Variants in NRXN1 observed in about 807,000 individuals in gnomAD.
NRXN1 encodes neurexin-1.
A neutral mutation model predicts 150.9 loss-of-function variants in NRXN1; 39 were observed. The ratio of observed to expected loss-of-function variants is 0.26; its 90% CI spans 0.20 to 0.34. The LOEUF (loss-of-function observed/expected upper bound fraction) is 0.34, where lower values mean the gene tolerates loss of function less well. Ranked by LOEUF, NRXN1 falls within the 10% of genes least tolerant of loss-of-function variation. The probability of loss-of-function intolerance (pLI) is 1.00; values close to 1 mark genes in which losing one functional copy is unlikely to be tolerated. For synonymous variants in NRXN1, 924 were observed against 757.0 expected, an observed-to-expected ratio of 1.22 and a Z score of -3.62; for missense variants, 1,815 against 1,949.9, an observed-to-expected ratio of 0.93 and a Z score of 1.30.
intron 17 of NRXN1, among the ~76,000 whole-genome samples, chr2:50,272,093 C>A (rs1308241036): frequency 6.6e-6 from 1 of 152,122 alleles, no homozygotes; most frequent in Non-Finnish European, 1.5e-5. Context: ...GCAGGAGGGT[C>A]CCTGACCTTG....
intron 17 of NRXN1, among the ~76,000 whole-genome samples, chr2:50,403,996 A>T (rs1030483356): frequency 1.3e-5 from 2 of 152,120 alleles, no homozygotes; most frequent in African/African-American, 2.4e-5. Context: ...GTTTCTCTAT[A>T]GATACAATTT....
In NRXN1 at chr2:50,320,861, A is replaced by G. The variant is rs550039397; in HGVS notation, c.3365-83891T>C. 3.3e-5 allele frequency among the ~76,000 whole-genome samples: 5 copies of G among 152,274 alleles called. No individual in the cohort carries two copies. In the South Asian group the frequency reaches 1.0e-3, roughly 32 times the overall value. ...ACTATTGGAATGTGCATTGAATGCC[A>G]TCTGATTCAACAGCAATGGTTTGTA... On this transcript the variant is annotated intron_variant, in intron 17 of 22. Coordinates refer to ENST00000401669, the MANE Select transcript of NRXN1 (RefSeq NM_001330078.2).
At chr2:50,367,100 C>T (rs989993798) in intron 17 of NRXN1, among the ~76,000 whole-genome samples, 2 of 151,870 alleles carry the variant, frequency 1.3e-5, no homozygotes, top group Admixed American at 6.6e-5. Context: ...TGGGTTTCTC[C>T]AGATGCATTT....
chr2:50,247,799 T>C (rs7576851), intron 17 of NRXN1, among the ~76,000 whole-genome samples: 20,986 of 152,012 alleles, frequency 0.14, 1,659 homozygotes, highest in African/African-American at 0.2. Flanking sequence ...CTGGCAAGGT[T>C]TGATTAAGGT....
intron 2 of NRXN1, among the ~76,000 whole-genome samples, chr2:50,986,004 G>A (rs538806449): frequency 1.3e-5 from 2 of 151,658 alleles, no homozygotes; most frequent in East Asian, 1.9e-4. Context: ...GAACAAAAGT[G>A]ACCAATAAAT....
At chr2:50,501,654 A>C (rs79513783) in intron 13 of NRXN1, among the ~76,000 whole-genome samples, 11 of 152,102 alleles carry the variant, frequency 7.2e-5, no homozygotes, top group South Asian at 2.1e-4. Context: ...AAAAAAAAAA[A>C]ACACAATTCT....
At chr2:50,322,053 C>T (rs962336872) in intron 17 of NRXN1, among the ~76,000 whole-genome samples, 2 of 122,170 alleles carry the variant, frequency 1.6e-5, no homozygotes, top group South Asian at 2.7e-4. Flanking sequence ...AAAAAAAAAA[C>T]AGTCTGTCAT....
chr2:50,556,791 T>G (rs1241760656), intron 8 of NRXN1, among the ~76,000 whole-genome samples: 3 of 152,160 alleles, frequency 2.0e-5, no homozygotes. Flanking sequence ...AGTCTGCATA[T>G]TAACTTGGTT....
At chr2:49,961,936 A>T (rs1676031211) in intron 21 of NRXN1, among the ~76,000 whole-genome samples, 1 of 152,176 alleles carries the variant, frequency 6.6e-6, no homozygotes, top group African/African-American at 2.4e-5. Flanking sequence ...TAAGGGAAAA[A>T]TAATTCTTGA....
intron 5 of NRXN1, among the ~76,000 whole-genome samples, chr2:50,637,359 T>C (rs1277951392): frequency 1.3e-5 from 2 of 152,154 alleles, no homozygotes; most frequent in South Asian, 2.1e-4. Flanking sequence ...TTCTCAAGTA[T>C]CTGAAGGGTA....
chr2:50,232,987 T>C (rs1481420473), intron 18 of NRXN1, among the ~76,000 whole-genome samples: 2 of 152,042 alleles, frequency 1.3e-5, no homozygotes, highest in Non-Finnish European at 2.9e-5. Context: ...TTCTATACTT[T>C]TCTGTATTGT....
intron 17 of NRXN1, among the ~76,000 whole-genome samples, chr2:50,249,497 A>G (rs1184617656): frequency 6.6e-6 from 1 of 152,132 alleles, no homozygotes; most frequent in Non-Finnish European, 1.5e-5. Context: ...ACATCTGTAT[A>G]CTCAATAAAT....
At chr2:50,365,704 T>C (rs1217829981) in intron 17 of NRXN1, among the ~76,000 whole-genome samples, 1 of 152,044 alleles carries the variant, frequency 6.6e-6, no homozygotes, top group Non-Finnish European at 1.5e-5. Flanking sequence ...CTAGCTACTA[T>C]TTTAATTGCC....
At chr2:50,250,788 T>A (rs1019203852) in intron 17 of NRXN1, among the ~76,000 whole-genome samples, 7 of 151,840 alleles carry the variant, frequency 4.6e-5, no homozygotes, top group African/African-American at 1.5e-4. Context: ...CATTTCTCAT[T>A]TTTTCAAAAT....
chr2:50,218,490 C>CTTTTTTTT (rs34919769), intron 18 of NRXN1, among the ~76,000 whole-genome samples: 3 of 136,758 alleles, frequency 2.2e-5, no homozygotes, highest in Non-Finnish European at 3.2e-5. Context: ...TTAGCACCTT[C>CTTTTTTTT]TTTTTTTTTT....
At chr2:50,744,621 A>G (rs1412247407) in intron 5 of NRXN1, among the ~76,000 whole-genome samples, 2 of 152,110 alleles carry the variant, frequency 1.3e-5, no homozygotes, top group Admixed American at 1.3e-4. Flanking sequence ...CCCATTTTAT[A>G]GATGATCAAA....
chr2:50,309,726 ACCCT>A (rs1370296780), intron 17 of NRXN1, among the ~76,000 whole-genome samples: 3 of 152,056 alleles, frequency 2.0e-5, no homozygotes, highest in African/African-American at 7.2e-5. Flanking sequence ...CCACTATGGG[ACCCT>A]TGCCAGCTGC....
At chr2:50,825,450 A>T (rs1023785712) in intron 5 of NRXN1, among the ~76,000 whole-genome samples, 1 of 152,158 alleles carries the variant, frequency 6.6e-6, no homozygotes, top group African/African-American at 2.4e-5. Context: ...AGCTAAGTTG[A>T]TAACCAATGA....
intron 17 of NRXN1, among the ~76,000 whole-genome samples, chr2:50,258,926 T>C (rs1037621305): frequency 3.9e-5 from 6 of 152,070 alleles, no homozygotes; most frequent in African/African-American, 1.2e-4. Context: ...TAGGTCTCAA[T>C]ATTGGGCTCA....
Sources: gnomAD v4.1 joint callset for allele counts (sites outside exome capture counted in the v4.1 genomes callset) on GRCh38, gnomAD v4.1.1 for gene constraint, MANE v1.5 for transcripts, NCBI Gene and HGNC (gene_info 2026-07-23, HGNC 2026-07-21) for gene names.